AKT1S1: variants seen among roughly 807,000 people sequenced by gnomAD.
The protein encoded by AKT1S1 is AKT1 substrate 1, also known as proline-rich AKT1 substrate 1.
In AKT1S1, 17 loss-of-function variants were observed where a neutral mutation model predicts 21.2. The observed-to-expected ratio is 0.80, with a 90% CI of 0.55 to 1.20. The LOEUF is 1.20. AKT1S1 is among the 50% of genes most tolerant of loss of function. The probability of loss-of-function intolerance (pLI) is 0.00; values close to 1 mark genes in which losing one functional copy is unlikely to be tolerated. For missense variants in AKT1S1, 366 were observed against 368.3 expected (o/e 0.99, Z 0.05); for synonymous variants, 181 against 165.6 (o/e 1.09, Z -0.72).
chr19:49,874,214 C>G (rs866878394), intron 1 of AKT1S1: 1 of 152,410 alleles, frequency 6.6e-6, no homozygotes, highest in Non-Finnish European at 1.5e-5. Flanking sequence ...ATAGATCCAG[C>G]CAGTCTGCTC....
chr19:49,871,588 TCTC>T lies in AKT1S1; in HGVS notation c.583_585del (p.Glu195del), dbSNP rs1212120786. The T allele has an allele frequency of 1.9e-6, 3 of 1,613,808 alleles. No homozygotes were observed. In the African/African-American group the frequency reaches 4.0e-5, roughly 22 times the overall value. On this transcript the variant is annotated inframe_deletion, in exon 4 of 5. Transcript: ENST00000344175. ...TCTGATGACCGCGCCTCTGTCCTCT[TCTC>T]CTTGAAGCCCCAGACGGGCACAGAC...
chr19:49,872,006 T>G, intron 2 of AKT1S1, 117 bp from the exon 3 acceptor site: 1 of 1,103,316 alleles, frequency 9.1e-7, no homozygotes, highest in Non-Finnish European at 1.3e-6. Flanking sequence ...CTGAAGCTTC[T>G]GAGACCCATT....
chr19:49,872,783 C>G, intron 2 of AKT1S1, 134 bp downstream of exon 2: 2 of 1,106,038 alleles, frequency 1.8e-6, no homozygotes, highest in Non-Finnish European at 2.5e-6. Flanking sequence ...CCCAGGCAAG[C>G]CTGTCTGGCT....
upstream of AKT1S1, chr19:49,877,671 C>T (rs2074965882): frequency 6.3e-7 from 1 of 1,583,876 alleles, no homozygotes; most frequent in Admixed American, 1.8e-5. Context: ...GAAGTGACAA[C>T]ACGCTGACTA....
Position 49,876,049 on chromosome 19 carries a change from G to A in AKT1S1, c.-8+1188C>T, listed in dbSNP as rs568279551. 468 of 985,506 alleles carry A rather than the reference G, an allele frequency of 4.7e-4. 1 individual carries two copies. Among genetic ancestry groups the A allele is most frequent in the Non-Finnish European group, 5.3e-4 (444 of 829,992 alleles). The allele number at this position is 985,506 out of a possible 1,614,324, so 61.0% of individuals were successfully genotyped here. On this transcript the variant is annotated intron_variant, in intron 1 of 4. Coordinates refer to ENST00000344175, the MANE Select transcript of AKT1S1 (RefSeq NM_001098633.4). ...GTCCTCTTTGGATGCAGGGAGGAGG[G>A]AAAAGAGCTAAGGAGGAGAGGGGTG...
At chr19:49,872,530 C>T (rs2074895293) in intron 2 of AKT1S1, among the ~76,000 whole-genome samples, 1 of 152,078 alleles carries the variant, frequency 6.6e-6, no homozygotes, top group Non-Finnish European at 1.5e-5. Context: ...TCCCAGACAA[C>T]TCTTTAACTC....
At chr19:49,870,834 G>A (rs1248359165) in intron 4 of AKT1S1, among the ~76,000 whole-genome samples, 1 of 152,204 alleles carries the variant, frequency 6.6e-6, no homozygotes, top group Non-Finnish European at 1.5e-5. Flanking sequence ...CCCGCACCAG[G>A]CCCTGTTCCT....
At position 49,871,850 on chromosome 19, in the gene AKT1S1, A is replaced by C; in HGVS notation, c.419T>G (p.Leu140Arg). 1 of 1,611,768 alleles carries C rather than the reference A, an allele frequency of 6.2e-7. No homozygotes were observed. The change falls in exon 3 of 5, where the codon CTT becomes CGT. Residue 140 changes from leucine (L) to arginine (R), a missense_variant. Leu to Arg is a moderately radical substitution (Grantham distance 102, BLOSUM62 -2). Transcript: ENST00000344175. ...VMDEDATLQD[L>R]PPFCESDPES... ...GGGGTCTGACTCACAGAAGGGGGGAAGGTCCTGGAGGGTGGCGTCCTCATC... is the reference window on the plus strand; with the variant it reads ...GGGGTCTGACTCACAGAAGGGGGGACGGTCCTGGAGGGTGGCGTCCTCATC...
Position 49,870,079 on chromosome 19 carries a change from G to C in AKT1S1, c.628-19C>G. 6.6e-7 allele frequency: 1 copy of C among 1,505,432 alleles called. No homozygotes were observed. The highest frequency in any genetic ancestry group is 8.9e-7 in the Non-Finnish European group (1 of 1,123,692). The allele number at this position is 1,505,432 out of a possible 1,614,324, so 93.3% of individuals were successfully genotyped here. On this transcript the variant is annotated intron_variant, in intron 4 of 4. Coordinates refer to ENST00000344175, the MANE Select transcript of AKT1S1 (RefSeq NM_001098633.4). ...AAGAGGGCTGCGGGGACGGCGACGG[G>C]GCGAGGTCAGCGCCGGCAGGGCAAT... is the stretch of plus-strand genomic sequence containing the variant.
At position 49,871,691 on chromosome 19, in the gene AKT1S1, G is replaced by A. The variant is rs755683026; in HGVS notation, c.483C>T (p.Pro161=). The change falls in exon 4 of 5, where the codon CCC becomes CCT. Residue 161 remains proline, a synonymous_variant. Coordinates refer to ENST00000344175, the MANE Select transcript of AKT1S1 (RefSeq NM_001098633.4). ...GCACTGAGCAGGTGGGGGGGCCGGC[G>A]GGGGTCTCCTCGCTCAGGCTGCCAT... ...TDDGSLSEET[P]AGPPTCSVPP... 2.1e-5 allele frequency: 34 copies of A among 1,612,950 alleles called. No homozygotes were observed. Among genetic ancestry groups the A allele is most frequent in the Middle Eastern group, 1.6e-4 (1 of 6,082 alleles).
chr19:49,870,170 G>A (rs2074868696), intron 4 of AKT1S1, 110 bp from the exon 5 acceptor site: 2 of 1,242,108 alleles, frequency 1.6e-6, no homozygotes, highest in Non-Finnish European at 1.0e-6. Flanking sequence ...GCACGTCCCT[G>A]CCCTGCCACC....
chr19:49,872,912 C>G lies in AKT1S1; in HGVS notation c.379+5G>C, dbSNP rs1463658341. The G allele has an allele frequency of 4.4e-6, 7 of 1,597,248 alleles. No homozygotes were observed. Among genetic ancestry groups the G allele is most frequent in the Non-Finnish European group, 5.1e-6 (6 of 1,177,996 alleles). On this transcript the variant is annotated splice_donor_5th_base_variant and intron_variant, in intron 2 of 4. Transcript: ENST00000344175. The stretch of plus-strand genomic sequence containing the variant: ...CCGCACCCGCCCCTGCCCCCACCCT[C>G]TCACCTCCATTATCACTAATGCCCA...
Position 49,869,807 on chromosome 19 carries a change from C to T in AKT1S1, c.*110G>A, listed in dbSNP as rs1001898725. 1 of 1,188,240 alleles carries T rather than the reference C, an allele frequency of 8.4e-7. No individual in the cohort carries two copies. Among genetic ancestry groups the T allele is most frequent in the Non-Finnish European group, 1.1e-6 (1 of 909,804 alleles). 73.6% of individuals were successfully genotyped at this position (1,188,240 alleles called of 1,614,324 possible). On this transcript the variant is annotated 3_prime_UTR_variant, in exon 5 of 5. Coordinates refer to ENST00000344175, the MANE Select transcript of AKT1S1 (RefSeq NM_001098633.4). ...GCGGGACAATCTTGGGAATGGGAGA[C>T]GCAAGGAGGCCGGTCCCGGATCGGC...
chr19:49,873,064 G>A lies in AKT1S1; in HGVS notation c.232C>T (p.Pro78Ser), dbSNP rs1298502955. Residue 78 changes from proline to serine, a missense_variant, in exon 2 of 5, where the codon CCT becomes TCT. Coordinates refer to ENST00000344175, the MANE Select transcript of AKT1S1 (RefSeq NM_001098633.4). This position sits in a 1 kb window ranked among gnomAD's most constrained non-coding sequence, Gnocchi z 6.9. ...GGCTGTGGTGCTGGTGGGGGCGCAG[G>A]AGGCCGAGCAGCAGTGGCAGCCCTG... Reference protein sequence around the residue: ...AHRAATAARPPAPPPAPQPPS... With the variant: ...AHRAATAARPSAPPPAPQPPS... The A allele has an allele frequency of 6.4e-7, 1 of 1,555,362 alleles. No individual in the cohort carries two copies. Among genetic ancestry groups the A allele is most frequent in the Non-Finnish European group, 8.7e-7 (1 of 1,151,210 alleles).
At chr19:49,872,742 G>C (rs956345608) in intron 2 of AKT1S1, among the ~76,000 whole-genome samples, 175 bp downstream of exon 2, 1 of 152,220 alleles carries the variant, frequency 6.6e-6, no homozygotes, top group Admixed American at 6.5e-5. Context: ...TCAGAGCAGG[G>C]AAGGGACTGG....
intron 1 of AKT1S1, chr19:49,876,278 G>T: frequency 1.7e-6 from 2 of 1,169,048 alleles, no homozygotes; most frequent in Non-Finnish European, 2.1e-6. Context: ...AGGACCGGAA[G>T]TCCCGCCTTT....
At chr19:49,877,509 A>C (rs757561984), upstream of AKT1S1, 64 of 551,172 alleles carry the variant, frequency 1.2e-4, no homozygotes, top group African/African-American at 3.5e-4. Context: ...CCGTAGCCGG[A>C]TCCACCTTCA....
chr19:49,877,720 G>A (rs751578663), upstream of AKT1S1: 3 of 1,600,260 alleles, frequency 1.9e-6, no homozygotes, highest in African/African-American at 1.3e-5. Flanking sequence ...CTTCGGCGGC[G>A]ACTATGGAAG....
chr19:49,871,427 G>A (rs1309831184), intron 4 of AKT1S1, 120 bp downstream of exon 4: 2 of 1,358,718 alleles, frequency 1.5e-6, no homozygotes. Flanking sequence ...TCTTGAGGTT[G>A]AGGGGAGGAT....
Sources: gnomAD v4.1 joint callset for allele counts (sites outside exome capture counted in the v4.1 genomes callset) on GRCh38, gnomAD v4.1.1 for gene constraint, Gnocchi (gnomAD v3.1) non-coding constraint, MANE v1.5 for transcripts, NCBI Gene and HGNC (gene_info 2026-07-23, HGNC 2026-07-21) for gene names.